Variants in ARHGAP28 observed in about 807,000 individuals in gnomAD.
ARHGAP28 encodes Rho GTPase activating protein 28.
A neutral mutation model predicts 90.7 loss-of-function variants in ARHGAP28; 56 were observed. The ratio of observed to expected loss-of-function variants is 0.62; its 90% CI spans 0.50 to 0.77. The LOEUF (loss-of-function observed/expected upper bound fraction) is 0.77, where lower values mean the gene tolerates loss of function less well. ARHGAP28 is among the 30% of genes least tolerant of loss of function. The pLI is 0.00. For missense variants in ARHGAP28, 869 were observed against 900.9 expected (o/e 0.96, Z 0.45); for synonymous variants, 308 against 323.3 (o/e 0.95, Z 0.51).
chr18:6,806,368 G>C lies in ARHGAP28; in HGVS notation c.123-18394G>C, dbSNP rs534524781. 2.8e-3 allele frequency among the ~76,000 whole-genome samples: 420 copies of C among 152,150 alleles called. 1 individual carries two copies. Among genetic ancestry groups the C allele is most frequent in the Non-Finnish European group, 5.0e-3 (338 of 68,000 alleles). Reference sequence around the variant, plus strand: ...TTGTCTGAGGTTAAAAATAAACTGAGTAGATTAATGGCATAGTAGACATAG... The same window carrying C: ...TTGTCTGAGGTTAAAAATAAACTGACTAGATTAATGGCATAGTAGACATAG... On this transcript the variant is annotated intron_variant, in intron 1 of 17. Coordinates refer to ENST00000383472, the MANE Select transcript of ARHGAP28 (RefSeq NM_001366230.1).
At position 6,805,970 on chromosome 18, in the gene ARHGAP28, C is replaced by T. The variant is rs537239493; in HGVS notation, c.123-18792C>T. Reference sequence around the variant, plus strand: ...CAAGATCTTGACTCACTGCAACTTCCGCCTCCCGGGTTCAAGCAGTTCTCC... The same window carrying T: ...CAAGATCTTGACTCACTGCAACTTCTGCCTCCCGGGTTCAAGCAGTTCTCC... On this transcript the variant is annotated intron_variant, in intron 1 of 17. Coordinates refer to ENST00000383472, the MANE Select transcript of ARHGAP28 (RefSeq NM_001366230.1). 6.6e-4 allele frequency among the ~76,000 whole-genome samples: 100 copies of T among 151,230 alleles called. 1 individual carries two copies. The highest frequency in any genetic ancestry group is 2.2e-3 in the African/African-American group (92 of 41,184).
chr18:6,729,776 C>T lies in ARHGAP28; in HGVS notation c.-46C>T, dbSNP rs2055858683. On this transcript the variant is annotated 5_prime_UTR_variant, in exon 1 of 18. Transcript: ENST00000383472. ...TCCCGGCGCGCCGGTCCATGCTGGTCCCGGTCTTTGTTCTGGGGCCGGCGC... is the reference window on the plus strand; with the variant it reads ...TCCCGGCGCGCCGGTCCATGCTGGTTCCGGTCTTTGTTCTGGGGCCGGCGC... 2 of 1,349,416 alleles carry T rather than the reference C, an allele frequency of 1.5e-6. No individual in the cohort carries two copies. Among genetic ancestry groups the T allele is most frequent in the East Asian group, 3.1e-5 (1 of 32,058 alleles). 83.6% of individuals were successfully genotyped at this position (1,349,416 alleles called of 1,614,324 possible). A position where few individuals can be genotyped will look rare whatever the true frequency, so the allele number is the denominator to read the frequency against.
intron 3 of ARHGAP28, among the ~76,000 whole-genome samples, chr18:6,841,161 CTCTCT>C (rs2056810061): frequency 9.6e-6 from 1 of 103,698 alleles, no homozygotes; most frequent in South Asian, 3.2e-4. Context: ...TCCTCTTTCT[CTCTCT>C]CCTCTCTCTC....
At chr18:6,746,896 T>C (rs1326234803) in intron 1 of ARHGAP28, among the ~76,000 whole-genome samples, 1 of 151,992 alleles carries the variant, frequency 6.6e-6, no homozygotes, top group African/African-American at 2.4e-5. Context: ...ATGAGAGTTA[T>C]ACATTTGGCA....
At chr18:6,879,204 A>G (rs1191838453) in intron 10 of ARHGAP28, among the ~76,000 whole-genome samples, 1 of 152,182 alleles carries the variant, frequency 6.6e-6, no homozygotes, top group Non-Finnish European at 1.5e-5. Flanking sequence ...TTCAAAAATG[A>G]CAGAAATTTG....
At chr18:6,752,457 T>C (rs926785809) in intron 1 of ARHGAP28, among the ~76,000 whole-genome samples, 18 of 152,232 alleles carry the variant, frequency 1.2e-4, no homozygotes, top group East Asian at 3.9e-4. Context: ...CGCTTCACTT[T>C]AAAATTTCTT....
At chr18:6,801,580 A>G (rs1419367716) in intron 1 of ARHGAP28, among the ~76,000 whole-genome samples, 1 of 152,138 alleles carries the variant, frequency 6.6e-6, no homozygotes, top group Non-Finnish European at 1.5e-5. Context: ...ATCATTGAAT[A>G]TATTGATCAA....
chr18:6,775,075 G>A (rs1476663054), intron 1 of ARHGAP28, among the ~76,000 whole-genome samples: 1 of 152,092 alleles, frequency 6.6e-6, no homozygotes, highest in East Asian at 1.9e-4. Context: ...CCATAATATC[G>A]ATTAACCTCT....
At chr18:6,816,567 A>C (rs1028584511) in intron 1 of ARHGAP28, among the ~76,000 whole-genome samples, 1 of 152,154 alleles carries the variant, frequency 6.6e-6, no homozygotes, top group African/African-American at 2.4e-5. Context: ...ATAATGGAGA[A>C]CTCAAGTCTT....
At chr18:6,824,615 A>C in intron 1 of ARHGAP28, 147 bp from the exon 2 acceptor site, 818 of 493,208 alleles carry the variant, frequency 1.7e-3, no homozygotes, top group Non-Finnish European at 2.1e-3. Context: ...AGTGGAGATT[A>C]TTCCCTCAAA....
intron 1 of ARHGAP28, among the ~76,000 whole-genome samples, chr18:6,736,303 C>CT (rs945797622): frequency 4.0e-4 from 57 of 143,384 alleles, no homozygotes; most frequent in South Asian, 2.0e-3. Context: ...TTAATCTACT[C>CT]TTTTTTTTTT....
chr18:6,812,926 G>GCT (rs1156993240), intron 1 of ARHGAP28, among the ~76,000 whole-genome samples: 1 of 152,178 alleles, frequency 6.6e-6, no homozygotes, highest in East Asian at 1.9e-4. Flanking sequence ...AGCATGAAGT[G>GCT]CTCTGACTGC....
chr18:6,828,446 A>G (rs772955800), intron 2 of ARHGAP28, among the ~76,000 whole-genome samples: 110 of 152,126 alleles, frequency 7.2e-4, no homozygotes, highest in Non-Finnish European at 8.2e-4. Flanking sequence ...CCACTTGTCA[A>G]TTTTTGTTTT....
chr18:6,866,072 A>G (rs555001274), intron 5 of ARHGAP28, among the ~76,000 whole-genome samples: 1 of 152,326 alleles, frequency 6.6e-6, no homozygotes, highest in Non-Finnish European at 1.5e-5. Flanking sequence ...TTAAAATGAT[A>G]TATGTCAAGC....
At chr18:6,805,307 C>CTCCAGAAG (rs1391479667) in intron 1 of ARHGAP28, among the ~76,000 whole-genome samples, 2 of 152,098 alleles carry the variant, frequency 1.3e-5, no homozygotes, top group Non-Finnish European at 2.9e-5. Context: ...TTTGCTTAAT[C>CTCCAGAAG]TCCAGAAGTC....
chr18:6,794,874 G>C (rs1020733810), intron 1 of ARHGAP28, among the ~76,000 whole-genome samples: 5 of 152,080 alleles, frequency 3.3e-5, no homozygotes, highest in Non-Finnish European at 5.9e-5. Flanking sequence ...ATAGAGACAG[G>C]GTTTCACTGT....
Position 6,839,861 on chromosome 18 carries a change from T to G in ARHGAP28, c.543+2447T>G, listed in dbSNP as rs1026253708. Among the ~76,000 whole-genome samples, 3 of 152,254 alleles carry G rather than the reference T, an allele frequency of 2.0e-5. No individual in the cohort carries two copies. The East Asian group carries it at 5.8e-4, about 29-fold the overall frequency. On this transcript the variant is annotated intron_variant, in intron 3 of 17. Transcript: ENST00000383472. ...CTGTTCATTTGACTTATGATGTGCA[T>G]TTGACTTGTCATGATCATTCATGTT... is the stretch of plus-strand genomic sequence containing the variant.
In ARHGAP28 at chr18:6,889,889, C is replaced by T. The variant is rs374350860; in HGVS notation, c.1538C>T (p.Ala513Val). The change falls in exon 13 of 18, where the codon GCC becomes GTC. Residue 513 changes from alanine (A) to valine (V), a missense_variant and splice_region_variant. By Grantham distance (64) the Ala-to-Val change is moderately conservative (BLOSUM62 0). Transcript: ENST00000383472. ...LPDANRDAAQ[A>V]LMTFFNKVIA... ...TGACACAATGCTGTTTCTTCTTAGG[C>T]CCTCATGACATTCTTCAATAAAGTG... 6.2e-7 allele frequency: 1 copy of T among 1,613,622 alleles called. No homozygotes were observed. Among genetic ancestry groups the T allele is most frequent in the Non-Finnish European group, 8.5e-7 (1 of 1,179,922 alleles).
chr18:6,868,203 G>A lies in ARHGAP28; in HGVS notation c.780G>A (p.Glu260=), dbSNP rs549946935. ...CAGTTCATTCCAATGGATCACCGGAGCCTGGACAGCCAGTTCAGAATGCGA... is the reference window on the plus strand; with the variant it reads ...CAGTTCATTCCAATGGATCACCGGAACCTGGACAGCCAGTTCAGAATGCGA... ...VLPVHSNGSP[E]PGQPVQNAIS... is the part of the protein sequence containing the mutation. Residue 260 remains glutamate, a synonymous_variant, in exon 6 of 18, where the codon GAG becomes GAA. Coordinates refer to ENST00000383472, the MANE Select transcript of ARHGAP28 (RefSeq NM_001366230.1). The A allele has an allele frequency of 2.5e-6, 4 of 1,614,174 alleles. No individual in the cohort carries two copies. The highest frequency in any genetic ancestry group is 2.5e-6 in the Non-Finnish European group (3 of 1,180,024).
Sources: gnomAD v4.1 joint callset for allele counts (sites outside exome capture counted in the v4.1 genomes callset) on GRCh38, gnomAD v4.1.1 for gene constraint, MANE v1.5 for transcripts, NCBI Gene and HGNC (gene_info 2026-07-23, HGNC 2026-07-21) for gene names.